The following ENPP1 variants were observed in gnomAD, a reference collection of about 807,000 sequenced individuals.
ENPP1 encodes ectonucleotide pyrophosphatase/phosphodiesterase 1, also known as ectonucleotide pyrophosphatase/phosphodiesterase family member 1.
In ENPP1, 73 loss-of-function variants were observed where a neutral mutation model predicts 122.8. That is an observed-to-expected ratio of 0.59 (90% confidence interval 0.49 to 0.72). The LOEUF is 0.72. Ranked by LOEUF, ENPP1 falls within the 30% of genes least tolerant of loss-of-function variation. The probability of loss-of-function intolerance (pLI) is 0.00; values close to 1 mark genes in which losing one functional copy is unlikely to be tolerated. For missense variants in ENPP1, 978 were observed against 1,128.1 expected (o/e 0.87, Z 1.91); for synonymous variants, 367 against 391.6 (o/e 0.94, Z 0.74).
chr6:131,808,746 T>C (rs1236346699), intron 1 of ENPP1, among the ~76,000 whole-genome samples: 2 of 152,236 alleles, frequency 1.3e-5, no homozygotes, highest in African/African-American at 2.4e-5. Flanking sequence ...TTAGGAACTC[T>C]ACGGAACACT....
At chr6:131,882,869 G>T (rs993387996) in intron 21 of ENPP1, among the ~76,000 whole-genome samples, 3 of 151,886 alleles carry the variant, frequency 2.0e-5, no homozygotes, top group South Asian at 2.1e-4. Flanking sequence ...TGAGAATATT[G>T]TGAAGGTGGA....
intron 14 of ENPP1, 131 bp from the exon 15 acceptor site, chr6:131,872,792 C>T: frequency 2.2e-6 from 2 of 900,930 alleles, no homozygotes; most frequent in Non-Finnish European, 3.3e-6. Flanking sequence ...AAAGCAATTT[C>T]AAGAAAAGTT....
chr6:131,828,500 A>G (rs571058020), intron 1 of ENPP1: 19 of 218,498 alleles, frequency 8.7e-5, no homozygotes, highest in South Asian at 2.2e-4. Context: ...ATACCTTTTG[A>G]AGTTTCTTAG....
chr6:131,827,776 T>C (rs1781563158), intron 1 of ENPP1: 1 of 820,230 alleles, frequency 1.2e-6, no homozygotes, highest in African/African-American at 1.7e-5. Context: ...ACCAGCTGAC[T>C]CCAAAGCCCG....
intron 6 of ENPP1, among the ~76,000 whole-genome samples, 175 bp from the exon 7 acceptor site, chr6:131,858,493 A>G (rs1159819100): frequency 6.6e-6 from 1 of 152,212 alleles, no homozygotes; most frequent in Non-Finnish European, 1.5e-5. Flanking sequence ...CATCTTTAAG[A>G]TTGGATTTGT....
chr6:131,873,048 A>G lies in ENPP1; in HGVS notation c.1563A>G (p.Ala521=), dbSNP rs763251794. Residue 521 remains alanine, a splice_region_variant and synonymous_variant, in exon 15 of 25, where the codon GCA becomes GCG. Coordinates refer to ENST00000647893, the MANE Select transcript of ENPP1 (RefSeq NM_006208.3). ...ATTTGGACCCTCAGTGGCAACTTGC[A>G]TTGTAAGTTCTGACAGTCTCCCAGG... ...TFYLDPQWQL[A]LNPSERKYCG... 3.1e-6 allele frequency: 5 copies of G among 1,613,604 alleles called. No individual in the cohort carries two copies. The highest frequency in any genetic ancestry group is 3.3e-5 in the Admixed American group (2 of 59,974).
chr6:131,831,722 A>G (rs998000403), intron 1 of ENPP1, among the ~76,000 whole-genome samples: 2 of 152,168 alleles, frequency 1.3e-5, no homozygotes, highest in African/African-American at 4.8e-5. Flanking sequence ...TCATTTCAAG[A>G]GTATCTGCTA....
chr6:131,860,547 C>T (rs200641426), intron 8 of ENPP1, 41 bp downstream of exon 8: 126 of 1,450,954 alleles, frequency 8.7e-5, no homozygotes, highest in Admixed American at 3.4e-5. Context: ...TAATTATTCT[C>T]ATCTATTTCA....
At chr6:131,889,425 C>G (rs562710320) in intron 24 of ENPP1, among the ~76,000 whole-genome samples, 42 of 152,166 alleles carry the variant, frequency 2.8e-4, no homozygotes, top group African/African-American at 9.4e-4. Flanking sequence ...TTTTCTTCCC[C>G]CACACGTGTT....
At chr6:131,815,908 A>T (rs1362402899) in intron 1 of ENPP1, among the ~76,000 whole-genome samples, 2 of 138,510 alleles carry the variant, frequency 1.4e-5, no homozygotes, top group Admixed American at 1.5e-4. Context: ...TTTAGTAGAG[A>T]CAGGGTTTTG....
intron 1 of ENPP1, among the ~76,000 whole-genome samples, chr6:131,817,154 G>C (rs1476773211): frequency 1.3e-5 from 2 of 152,154 alleles, no homozygotes; most frequent in Non-Finnish European, 2.9e-5. Flanking sequence ...GTACATAATA[G>C]ACTATGATGG....
rs993171266 is a variant in ENPP1, at chr6:131,810,654, G to C, written c.240+2379G>C. Among the ~76,000 whole-genome samples the C allele has an allele frequency of 3.3e-5, 5 of 152,306 alleles. No homozygotes were observed. The East Asian group carries it at 5.8e-4, about 18-fold the overall frequency. Reference sequence around the variant, plus strand: ...ATTGAACTAATTGCAACCTGGGGTTGGGATTAGGAGAGGCCCAGCACTATG... The same window carrying C: ...ATTGAACTAATTGCAACCTGGGGTTCGGATTAGGAGAGGCCCAGCACTATG... On this transcript the variant is annotated intron_variant, in intron 1 of 24. Transcript: ENST00000647893.
intron 1 of ENPP1, among the ~76,000 whole-genome samples, chr6:131,818,918 A>G (rs1781450791): frequency 6.6e-6 from 1 of 152,204 alleles, no homozygotes; most frequent in Non-Finnish European, 1.5e-5. Context: ...CTCAAAAATG[A>G]GTGATGTTAG....
chr6:131,867,196 G>GT (rs1252555979), intron 11 of ENPP1, among the ~76,000 whole-genome samples: 3 of 152,146 alleles, frequency 2.0e-5, no homozygotes, highest in African/African-American at 7.2e-5. Context: ...AATGAAAGAC[G>GT]TTGTCTTGTT....
intron 11 of ENPP1, among the ~76,000 whole-genome samples, chr6:131,865,743 C>T (rs112555376): frequency 0.012 from 1,772 of 152,308 alleles, 27 homozygotes; most frequent in Middle Eastern, 0.075. Context: ...CCTGTAATCC[C>T]AGCACTTTGG....
rs140729669 is a variant in ENPP1, at chr6:131,890,357, C to T, written c.2624C>T (p.Ser875Phe). The T allele has an allele frequency of 9.0e-4, 1,445 of 1,613,640 alleles. 2 individuals carry two copies. The highest frequency in any genetic ancestry group is 1.1e-3 in the Non-Finnish European group (1,291 of 1,179,562). ...SESCVHGKHD[S>F]SWVEELLMLH... is the part of the protein sequence containing the mutation. Reference sequence around the variant, plus strand: ...TTCTCCTAGCATGGGAAGCATGACTCCTCATGGGTTGAAGAATTGTTAATG... The same window carrying T: ...TTCTCCTAGCATGGGAAGCATGACTTCTCATGGGTTGAAGAATTGTTAATG... Residue 875 changes from serine to phenylalanine, a missense_variant, in exon 25 of 25, where the codon TCC becomes TTC. By Grantham distance (155) the Ser-to-Phe change is radical. This residue lies in a region of ENPP1 where 644 missense variants were observed against 781.5 expected (regional missense o/e 0.82). Coordinates refer to ENST00000647893, the MANE Select transcript of ENPP1 (RefSeq NM_006208.3).
Position 131,808,197 on chromosome 6 carries a change from C to A in ENPP1, c.162C>A (p.Asp54Glu), listed in dbSNP as rs1781303704. Residue 54 changes from aspartate to glutamate, a missense_variant, in exon 1 of 25, where the codon GAC becomes GAA. By Grantham distance (45) the Asp-to-Glu change is conservative (BLOSUM62 2). Coordinates refer to ENST00000647893, the MANE Select transcript of ENPP1 (RefSeq NM_006208.3). The stretch of plus-strand genomic sequence containing the variant: ...CCGCGTCCTTGCTGGCCCCTATGGA[C>A]GTGGGGGAGGAGCCGCTGGAGAAGG... ...QAAASLLAPMDVGEEPLEKAA... is the reference protein window; with the variant it reads ...QAAASLLAPMEVGEEPLEKAA... 6.6e-7 allele frequency: 1 copy of A among 1,508,434 alleles called. No homozygotes were observed. The highest frequency in any genetic ancestry group is 1.4e-5 in the African/African-American group (1 of 69,446). The allele number at this position is 1,508,434 out of a possible 1,614,324, so 93.4% of individuals were successfully genotyped here. A position where few individuals can be genotyped will look rare whatever the true frequency, so the allele number is the denominator to read the frequency against.
intron 24 of ENPP1, among the ~76,000 whole-genome samples, chr6:131,889,621 A>G (rs900400903): frequency 5.9e-5 from 9 of 152,234 alleles, no homozygotes; most frequent in African/African-American, 1.2e-4. Context: ...AATTTAGTCT[A>G]TCATTGACCA....
chr6:131,861,769 T>C (rs1782026093), intron 9 of ENPP1, 65 bp downstream of exon 9: 1 of 899,928 alleles, frequency 1.1e-6, no homozygotes, highest in East Asian at 2.5e-5. Context: ...GTAATCTCCT[T>C]TTTATTGAAT....
Sources: allele counts gnomAD v4.1 joint callset (sites outside exome capture counted in the v4.1 genomes callset), GRCh38; gene constraint gnomAD v4.1.1; regional missense constraint gnomAD v4.1.1; transcripts MANE v1.5; gene names NCBI Gene and HGNC (gene_info 2026-07-23, HGNC 2026-07-21).